ERMP1: variants seen among roughly 807,000 people sequenced by gnomAD.
ERMP1 encodes the protein endoplasmic reticulum metallopeptidase 1.
Under a neutral mutation model 92.0 loss-of-function variants are expected in ERMP1, and 86 were observed. The observed-to-expected ratio is 0.93, with a 90% CI of 0.79 to 1.12. The LOEUF (loss-of-function observed/expected upper bound fraction) is 1.12, where lower values mean the gene tolerates loss of function less well. Ranked by LOEUF, ERMP1 falls within the 50% of genes most tolerant of loss-of-function variation. The pLI is 0.00. For missense variants in ERMP1, 1,342 were observed against 1,116.3 expected (o/e 1.20, Z -2.88); for synonymous variants, 530 against 412.8 (o/e 1.28, Z -3.44).
intron 5 of ERMP1, among the ~76,000 whole-genome samples, chr9:5,861,523 T>C (rs1830494161): frequency 1.3e-5 from 2 of 152,064 alleles, no homozygotes; most frequent in African/African-American, 2.4e-5. Flanking sequence ...CTTTTACAGA[T>C]GGCACTAAAA....
chr9:5,790,423 C>T (rs1474272695), intron 13 of ERMP1, among the ~76,000 whole-genome samples: 1 of 152,100 alleles, frequency 6.6e-6, no homozygotes, highest in Non-Finnish European at 1.5e-5. Context: ...ACTGTGACAA[C>T]TGAGGCCAAA....
chr9:5,797,778 G>A, intron 13 of ERMP1, 39 bp downstream of exon 13: 1 of 1,259,394 alleles, frequency 7.9e-7, no homozygotes, highest in Non-Finnish European at 1.1e-6. Flanking sequence ...ACAAGTTTAA[G>A]AAATAAAGGA....
At chr9:5,856,030 G>C in intron 6 of ERMP1, 1 of 350,490 alleles carries the variant, frequency 2.9e-6, no homozygotes, top group Admixed American at 3.5e-5. Flanking sequence ...GTGGATTGAA[G>C]CCCAGGTTAT....
In ERMP1 at chr9:5,844,949, G is replaced by A. The variant is rs1830217100; in HGVS notation, n.3200-11637C>T. 2.0e-5 allele frequency among the ~76,000 whole-genome samples: 3 copies of A among 152,250 alleles called. No homozygotes were observed. The South Asian group carries it at 6.2e-4, about 32-fold the overall frequency. ...TGTCAGCCTTGTGGTTTTCTTCAGAGGGCAGGATGTGTCCTGGCCCCTCTG... is the reference window on the plus strand; with the variant it reads ...TGTCAGCCTTGTGGTTTTCTTCAGAAGGCAGGATGTGTCCTGGCCCCTCTG... On this transcript the variant is annotated intron_variant and non_coding_transcript_variant, in intron 6 of 6. Transcript: ENST00000690753.
chr9:5,845,201 CT>C (rs1210528235), intron 6 of ERMP1, among the ~76,000 whole-genome samples: 4 of 144,610 alleles, frequency 2.8e-5, no homozygotes, highest in Non-Finnish European at 6.0e-5. Flanking sequence ...ATCATTGTTT[CT>C]TCTTAAAGTT....
chr9:5,860,353 T>TATAAAAA (rs1413891030), intron 5 of ERMP1, among the ~76,000 whole-genome samples: 1 of 151,648 alleles, frequency 6.6e-6, no homozygotes, highest in Non-Finnish European at 1.5e-5. Context: ...GCACTGTCAG[T>TATAAAAA]ATTTTAGGGA....
chr9:5,789,654 G>C (rs1171592502), intron 13 of ERMP1, among the ~76,000 whole-genome samples: 2 of 152,026 alleles, frequency 1.3e-5, no homozygotes, highest in Non-Finnish European at 2.9e-5. Context: ...GCAGTGGCAT[G>C]AACAGCCCAC....
intron 6 of ERMP1, among the ~76,000 whole-genome samples, chr9:5,844,217 G>A (rs12343821): frequency 0.51 from 76,998 of 152,022 alleles, 22,028 homozygotes; most frequent in African/African-American, 0.78. Context: ...AGACTCAGAT[G>A]TAAGTGGCCA....
At chr9:5,860,189 C>T (rs1306769238) in intron 5 of ERMP1, among the ~76,000 whole-genome samples, 1 of 151,492 alleles carries the variant, frequency 6.6e-6, no homozygotes, top group Non-Finnish European at 1.5e-5. Flanking sequence ...CCTGTAGTCC[C>T]AGCTACTTGG....
intron 1 of ERMP1, among the ~76,000 whole-genome samples, chr9:5,831,411 G>A (rs1178014600): frequency 6.6e-6 from 1 of 152,086 alleles, no homozygotes; most frequent in South Asian, 2.1e-4. Context: ...TTTGAGACCA[G>A]CCTGGGCAAC....
intron 3 of ERMP1, among the ~76,000 whole-genome samples, chr9:5,824,614 G>A (rs1829666633): frequency 6.6e-6 from 1 of 152,038 alleles, no homozygotes; most frequent in Admixed American, 6.6e-5. Flanking sequence ...TGTTGGCCAG[G>A]CTGGTCTCAA....
At chr9:5,813,151 T>C (rs1452598371) in intron 4 of ERMP1, 116 bp from the exon 5 acceptor site, 1 of 973,504 alleles carries the variant, frequency 1.0e-6, no homozygotes, top group Non-Finnish European at 1.6e-6. Flanking sequence ...ACGGGTCCAA[T>C]ATGTACCTTT....
chr9:5,812,304 A>C lies in ERMP1; in HGVS notation c.1022-87T>G, dbSNP rs1363964944. The C allele has an allele frequency of 5.4e-6, 4 of 740,456 alleles. No homozygotes were observed. In the African/African-American group the frequency reaches 7.1e-5, roughly 13 times the overall value. The allele number at this position is 740,456 out of a possible 1,614,324, so 45.9% of individuals were successfully genotyped here. A position where few individuals can be genotyped will look rare whatever the true frequency, so the allele number is the denominator to read the frequency against. On this transcript the variant is annotated intron_variant, in intron 5 of 14. Coordinates refer to ENST00000339450, the MANE Select transcript of ERMP1 (RefSeq NM_024896.3). ...CCTATTTCTTTAATAAATTCCTAAA[A>C]GACAAAATGTCAAAGCAGTGGCACG... is the stretch of plus-strand genomic sequence containing the variant.
rs1454870707 is a variant in ERMP1 at position 5,786,392 on chromosome 9, T to A, written c.*752A>T. 1 of 152,230 alleles carries A rather than the reference T, an allele frequency of 6.6e-6. No homozygotes were observed. The highest frequency in any genetic ancestry group is 1.5e-5 in the Non-Finnish European group (1 of 68,072). 9.4% of individuals were successfully genotyped at this position (152,230 alleles called of 1,614,324 possible). On this transcript the variant is annotated 3_prime_UTR_variant, in exon 15 of 15. Transcript: ENST00000339450. ...AACCTACGAAAACCAGAGGGGTATG[T>A]GGCCAAATATTCCCCTTTTCAACTT...
rs1406473828 is a variant in ERMP1, at chr9:5,860,131, T to TA, written n.3056-521dup. Reference sequence around the variant, plus strand: ...GGGCAGTATAGTGAGACCTTGTCTCTACCAAAAAAAAAAAAAAGTTTTAAT... The same window carrying TA: ...GGGCAGTATAGTGAGACCTTGTCTCTAACCAAAAAAAAAAAAAAGTTTTAAT... On this transcript the variant is annotated intron_variant and non_coding_transcript_variant, in intron 5 of 6. Coordinates refer to the ERMP1 transcript ENST00000690753. Among the ~76,000 whole-genome samples, 70 of 33,278 alleles carry TA rather than the reference T, an allele frequency of 2.1e-3. 1 individual carries two copies. The highest frequency in any genetic ancestry group is 4.5e-3 in the African/African-American group (68 of 15,068). 21.8% of individuals were successfully genotyped at this position (33,278 alleles called of 152,430 possible). A position where few individuals can be genotyped will look rare whatever the true frequency, so the allele number is the denominator to read the frequency against.
chr9:5,802,930 G>C (rs976752048), intron 10 of ERMP1, among the ~76,000 whole-genome samples: 1 of 152,062 alleles, frequency 6.6e-6, no homozygotes. Context: ...ATTTCAGGAA[G>C]GCCGAGGCAC....
At chr9:5,807,897 T>C (rs1828929070) in intron 8 of ERMP1, among the ~76,000 whole-genome samples, 1 of 152,194 alleles carries the variant, frequency 6.6e-6, no homozygotes. Flanking sequence ...ATTGCAATTA[T>C]TATCATTCCC....
In ERMP1 at chr9:5,840,595, C is replaced by T. The variant is rs147643416; in HGVS notation, n.3200-7283G>A. Among the ~76,000 whole-genome samples, 1,456 of 152,336 alleles carry T rather than the reference C, an allele frequency of 9.6e-3. 20 individuals are homozygous for T. Among genetic ancestry groups the T allele is most frequent in the African/African-American group, 0.034 (1,403 of 41,570 alleles). On this transcript the variant is annotated intron_variant and non_coding_transcript_variant, in intron 6 of 6. Transcript: ENST00000690753. The stretch of plus-strand genomic sequence containing the variant: ...CACACCACATTGGAAAATAGGGATG[C>T]AAGAGGCAGTACGATGCCGCAGTTC...
chr9:5,810,326 A>G (rs1829043918), intron 7 of ERMP1, 95 bp from the exon 8 acceptor site: 1 of 808,912 alleles, frequency 1.2e-6, no homozygotes, highest in Non-Finnish European at 2.0e-6. Context: ...ATTAAAACAA[A>G]AAACTCCCCA....
Sources: allele counts gnomAD v4.1 joint callset (sites outside exome capture counted in the v4.1 genomes callset), GRCh38; gene constraint gnomAD v4.1.1; transcripts MANE v1.5; gene names NCBI Gene and HGNC (gene_info 2026-07-23, HGNC 2026-07-21).